The following PACRG variants were observed in gnomAD, a reference collection of about 807,000 sequenced individuals.
PACRG encodes the protein parkin coregulated gene protein.
Under a neutral mutation model 29.7 loss-of-function variants are expected in PACRG, and 29 were observed. That is an observed-to-expected ratio of 0.98 (90% CI 0.73 to 1.33). The LOEUF is 1.33. Among genes scored for constraint, PACRG ranks in the 40% most tolerant of loss-of-function variants. PACRG has a pLI of 0.00. For synonymous variants in PACRG, 116 were observed against 118.7 expected (o/e 0.98, Z 0.15); for missense variants, 279 against 316.2 (o/e 0.88, Z 0.89).
At chr6:162,880,408 G>A (rs1793733972) in intron 2 of PACRG, among the ~76,000 whole-genome samples, 1 of 152,140 alleles carries the variant, frequency 6.6e-6, no homozygotes. Flanking sequence ...TGCAACTCTA[G>A]CATGTATTTC....
chr6:163,086,445 A>G (rs1214603997), intron 3 of PACRG, among the ~76,000 whole-genome samples: 1 of 152,138 alleles, frequency 6.6e-6, no homozygotes, highest in Non-Finnish European at 1.5e-5. Flanking sequence ...TGCTGCTGTA[A>G]TGAGCCATCA....
intron 4 of PACRG, among the ~76,000 whole-genome samples, chr6:163,290,471 C>A (rs1347332222): frequency 6.6e-6 from 1 of 152,220 alleles, no homozygotes; most frequent in Admixed American, 6.5e-5. Context: ...ATGCAAGGGA[C>A]TGAGCCAATG....
intron 4 of PACRG, among the ~76,000 whole-genome samples, chr6:163,218,365 TG>T (rs1781446609): frequency 6.6e-6 from 1 of 152,200 alleles, no homozygotes; most frequent in African/African-American, 2.4e-5. Context: ...CACTTTCTAC[TG>T]CAATTTTCAT....
intron 1 of PACRG, among the ~76,000 whole-genome samples, chr6:162,772,577 C>A (rs1783304827): frequency 6.6e-6 from 1 of 152,160 alleles, no homozygotes; most frequent in Non-Finnish European, 1.5e-5. Flanking sequence ...TAAGAGACAA[C>A]AATGAAAAGG....
intron 2 of PACRG, among the ~76,000 whole-genome samples, chr6:162,948,941 T>A (rs182810825): frequency 1.3e-5 from 2 of 152,170 alleles, no homozygotes; most frequent in Non-Finnish European, 1.5e-5. Flanking sequence ...GAAAACAGTA[T>A]GGAAATGACT....
rs933541747 is a variant in PACRG, at chr6:162,853,946, T to C, written c.291+39665T>C. Among the ~76,000 whole-genome samples the C allele has an allele frequency of 3.3e-5, 5 of 152,074 alleles. No individual in the cohort carries two copies. The highest frequency in any genetic ancestry group is 6.6e-5 in the Admixed American group (1 of 15,264). On this transcript the variant is annotated intron_variant, in intron 2 of 4. Transcript: ENST00000366888. This position sits in a 1 kb window ranked among gnomAD's most constrained non-coding sequence, Gnocchi z 4.7. Reference sequence around the variant, plus strand: ...TTGTTGGGTCCATGCTAGGTATAAATATTAACTATTATTATTAATATCATT... The same window carrying C: ...TTGTTGGGTCCATGCTAGGTATAAACATTAACTATTATTATTAATATCATT...
At chr6:162,919,850 A>G (rs1796944075) in intron 2 of PACRG, among the ~76,000 whole-genome samples, 1 of 152,210 alleles carries the variant, frequency 6.6e-6, no homozygotes, top group African/African-American at 2.4e-5. Flanking sequence ...TAAGTAGTAC[A>G]AATAGCTGTA....
At chr6:163,218,178 C>G (rs989621260) in intron 4 of PACRG, among the ~76,000 whole-genome samples, 2 of 152,168 alleles carry the variant, frequency 1.3e-5, no homozygotes, top group Non-Finnish European at 2.9e-5. Flanking sequence ...AGCACATCTT[C>G]CCACTGAAAA....
At chr6:163,089,429 A>C (rs1813893364) in intron 4 of PACRG, 21 bp downstream of exon 4, 1 of 1,608,938 alleles carries the variant, frequency 6.2e-7, no homozygotes, top group African/African-American at 1.3e-5. Flanking sequence ...CCACGAGTCA[A>C]AATGTCTTTT....
chr6:162,867,083 C>A (rs1261956594), intron 2 of PACRG, among the ~76,000 whole-genome samples: 1 of 152,126 alleles, frequency 6.6e-6, no homozygotes, highest in Non-Finnish European at 1.5e-5. Flanking sequence ...CAATAGGTCT[C>A]CACTCCTTGT....
At chr6:163,110,654 T>A (rs62427601) in intron 4 of PACRG, among the ~76,000 whole-genome samples, 1,642 of 152,106 alleles carry the variant, frequency 0.011, 41 homozygotes, top group Admixed American at 0.064. Flanking sequence ...TGAGGGAGGG[T>A]GGATACAAAA....
chr6:163,017,846 GTTT>G (rs1276423785), intron 2 of PACRG, among the ~76,000 whole-genome samples: 1 of 151,912 alleles, frequency 6.6e-6, no homozygotes, highest in African/African-American at 2.4e-5. Context: ...ATTAGTGAGG[GTTT>G]TTCTTTTTTC....
At chr6:162,762,516 C>A (rs1447960471) in intron 1 of PACRG, among the ~76,000 whole-genome samples, 3 of 152,022 alleles carry the variant, frequency 2.0e-5, no homozygotes, top group African/African-American at 7.3e-5. Flanking sequence ...GATTCCTTTT[C>A]TTTAGTGTTG....
chr6:163,235,290 A>G (rs1782192343), intron 4 of PACRG, among the ~76,000 whole-genome samples: 1 of 152,234 alleles, frequency 6.6e-6, no homozygotes, highest in South Asian at 2.1e-4. Context: ...TGAAGCATAT[A>G]CAGATATATT....
intron 4 of PACRG, among the ~76,000 whole-genome samples, chr6:163,272,796 C>T (rs73601596): frequency 0.049 from 7,480 of 151,556 alleles, 532 homozygotes; most frequent in African/African-American, 0.16. Context: ...ATATTTTTTA[C>T]TTATATCCTT....
chr6:162,802,516 A>G (rs548740093), intron 1 of PACRG, among the ~76,000 whole-genome samples: 4 of 152,270 alleles, frequency 2.6e-5, no homozygotes, highest in South Asian at 2.1e-4. Flanking sequence ...ATTCCAGTGT[A>G]ATAGTCCATT....
intron 2 of PACRG, among the ~76,000 whole-genome samples, chr6:163,047,790 A>G (rs1304372243): frequency 2.0e-5 from 3 of 152,156 alleles, no homozygotes; most frequent in African/African-American, 7.2e-5. Flanking sequence ...CACCCATCTA[A>G]GTTTTAGTCT....
At chr6:163,127,425 A>G (rs1453086790) in intron 4 of PACRG, among the ~76,000 whole-genome samples, 1 of 152,236 alleles carries the variant, frequency 6.6e-6, no homozygotes, top group Non-Finnish European at 1.5e-5. Context: ...AACAAGCTGT[A>G]GCTTCCTTCT....
At chr6:162,944,516 G>A (rs748230848) in intron 2 of PACRG, among the ~76,000 whole-genome samples, 1 of 152,072 alleles carries the variant, frequency 6.6e-6, no homozygotes, top group Non-Finnish European at 1.5e-5. Flanking sequence ...ATTTAAAATA[G>A]TTATTTGAAA....
Sources: allele counts gnomAD v4.1 joint callset (sites outside exome capture counted in the v4.1 genomes callset), GRCh38; gene constraint gnomAD v4.1.1; non-coding constraint Gnocchi (gnomAD v3.1); transcripts MANE v1.5; gene names NCBI Gene and HGNC (gene_info 2026-07-23, HGNC 2026-07-21).